FGF22: variants seen among roughly 807,000 people sequenced by gnomAD.
FGF22 encodes the protein FGF-22.
FGF22 carries 11 observed loss-of-function variants against 10.3 expected under a neutral mutation model. The observed-to-expected ratio is 1.07, with a 90% CI of 0.67 to 1.77. FGF22 has a LOEUF of 1.77. Among genes scored for constraint, FGF22 ranks in the 40% most tolerant of loss-of-function variants. The probability of loss-of-function intolerance (pLI) is 0.00; values close to 1 mark genes in which losing one functional copy is unlikely to be tolerated. For missense variants in FGF22, 317 were observed against 273.2 expected (o/e 1.16, Z -1.13); for synonymous variants, 136 against 122.1 (o/e 1.11, Z -0.75).
chr19:643,438 G>T, exon 3 of FGF22: 1 of 1,611,452 alleles, frequency 6.2e-7, no homozygotes, highest in African/African-American at 1.3e-5. Flanking sequence ...TGCAGGTTCC[G>T]GGAGCGCATC....
intron 1 of FGF22, among the ~76,000 whole-genome samples, chr19:642,752 T>C (rs1330743650): frequency 6.6e-6 from 1 of 151,724 alleles, no homozygotes; most frequent in African/African-American, 2.4e-5. Context: ...CGCTGGCTCA[T>C]TGACAGTTAT....
At chr19:643,164 C>A (rs1380903909) in intron 1 of FGF22, 71 bp from the exon 2 acceptor site, 8 of 471,200 alleles carry the variant, frequency 1.7e-5, no homozygotes, top group Non-Finnish European at 2.3e-5. Context: ...GGGCCCTGCA[C>A]GAAGCACAGC....
chr19:643,547 C>T (rs773357606), exon 3 of FGF22: 42 of 1,590,472 alleles, frequency 2.6e-5, no homozygotes, highest in African/African-American at 1.5e-4. Flanking sequence ...CCCGGCCAGG[C>T]GGCCGGACGC....
exon 2 of FGF22, chr19:643,283 C>G: frequency 6.2e-7 from 1 of 1,611,862 alleles, no homozygotes; most frequent in Non-Finnish European, 8.5e-7. Context: ...GTCATCAAAG[C>G]AGTGTCCTCA....
Position 641,122 on chromosome 19 carries a change from G to GC in FGF22, c.214+986dup, listed in dbSNP as rs147793676. 2.8e-3 allele frequency: 1,258 copies of GC among 454,992 alleles called. 9 individuals are homozygous for GC. Among genetic ancestry groups the GC allele is most frequent in the African/African-American group, 0.023 (1,169 of 50,202 alleles). The allele number at this position is 454,992 out of a possible 1,614,324, so 28.2% of individuals were successfully genotyped here. On this transcript the variant is annotated intron_variant, in intron 1 of 2. Transcript: ENST00000215530. The stretch of plus-strand genomic sequence containing the variant: ...GTGAGGGCTAGCTGAGGGCTCTCCT[G>GC]CCCTTCGTGCATTCGCTGGTCACTA...
chr19:640,177 G>C, intron 1 of FGF22, 38 bp downstream of exon 1: 1 of 1,232,950 alleles, frequency 8.1e-7, no homozygotes, highest in Non-Finnish European at 1.0e-6. Flanking sequence ...GTGGGGAGGC[G>C]GCGGGTGACG....
At chr19:640,090 G>A in exon 1 of FGF22, 1 of 1,409,198 alleles carries the variant, frequency 7.1e-7, no homozygotes, top group Non-Finnish European at 9.3e-7. Context: ...TCCTGCGCGT[G>A]GATCCCGGCG....
Position 643,355 on chromosome 19 carries a change from G to A in FGF22, c.318+17G>A, listed in dbSNP as rs1178685778. The A allele has an allele frequency of 6.2e-7, 1 of 1,604,192 alleles. No homozygotes were observed. Among genetic ancestry groups the A allele is most frequent in the Admixed American group, 1.7e-5 (1 of 59,562 alleles). On this transcript the variant is annotated intron_variant, in intron 2 of 2. Coordinates refer to ENST00000215530, the Ensembl canonical transcript of FGF22. ...TACGGGTCGGTGAGTGCCGGGCAGG[G>A]CTGGGCGGCGCGGGCAGGGTGGGGA... is the stretch of plus-strand genomic sequence containing the variant.
chr19:640,466 C>CG (rs11572855), intron 1 of FGF22: 5 of 236,834 alleles, frequency 2.1e-5, no homozygotes, highest in Admixed American at 1.7e-4. Flanking sequence ...GCGGAAGCGG[C>CG]GGGGGGCTGA....
exon 3 of FGF22, chr19:644,288 G>C (rs2144746939): frequency 6.5e-6 from 1 of 152,674 alleles, no homozygotes; most frequent in South Asian, 2.1e-4. Context: ...GGACCGGCCT[G>C]CTCCTGCCTT....
intron 1 of FGF22, 55 bp from the exon 2 acceptor site, chr19:643,180 G>A (rs1985963379): frequency 4.8e-6 from 6 of 1,254,660 alleles, no homozygotes; most frequent in Middle Eastern, 2.0e-4. Context: ...ACAGCGGACA[G>A]CAGCGGTGCT....
At chr19:643,208 GCC>G in intron 1 of FGF22, 25 bp from the exon 2 acceptor site, 9 of 1,533,184 alleles carry the variant, frequency 5.9e-6, no homozygotes, top group Non-Finnish European at 8.1e-6. Flanking sequence ...AGCCAGCAAG[GCC>G]CTCCCCGACC....
chr19:640,329 GGCTGCA>G, intron 1 of FGF22, 190 bp downstream of exon 1: 1 of 395,428 alleles, frequency 2.5e-6, no homozygotes, highest in Non-Finnish European at 4.4e-6. Context: ...TTAAAGCGAA[GGCTGCA>G]GCGGCGGACC....
chr19:643,673 T>G, exon 3 of FGF22: 11 of 1,298,106 alleles, frequency 8.5e-6, no homozygotes, highest in Non-Finnish European at 1.1e-5. Context: ...ACGCTTGTTC[T>G]TCCCCCTGCG....
chr19:642,630 G>C (rs1211729859), intron 1 of FGF22, among the ~76,000 whole-genome samples: 1 of 126,454 alleles, frequency 7.9e-6, no homozygotes, highest in African/African-American at 3.1e-5. Flanking sequence ...TCTGAGGGCC[G>C]GGCTGGGGGG....
rs561499516 is a variant in FGF22 at position 644,278 on chromosome 19, G to A, written c.*674G>A. On this transcript the variant is annotated 3_prime_UTR_variant, in exon 3 of 3. Transcript: ENST00000215530. ...GGTTCCGCACTGGAGCCCCCGGGAG[G>A]GACCGGCCTGCTCCTGCCTTGATAT... The A allele has an allele frequency of 8.5e-5, 13 of 152,856 alleles. No homozygotes were observed. In the South Asian group the frequency reaches 2.7e-3, roughly 31 times the overall value. 9.5% of individuals were successfully genotyped at this position (152,856 alleles called of 1,614,324 possible).
In FGF22 at chr19:643,219, C is replaced by A; in HGVS notation, c.215-16C>A. On this transcript the variant is annotated splice_polypyrimidine_tract_variant and intron_variant, in intron 1 of 2. Transcript: ENST00000215530. ...GGTGAGCCAGCAAGGCCCTCCCCGA[C>A]CCCCGCCTCCCCCAGGCATCCTGGA... is the stretch of plus-strand genomic sequence containing the variant. 2 of 1,486,110 alleles carry A rather than the reference C, an allele frequency of 1.3e-6. No homozygotes were observed. Among genetic ancestry groups the A allele is most frequent in the South Asian group, 1.2e-5 (1 of 84,980 alleles). 92.1% of individuals were successfully genotyped at this position (1,486,110 alleles called of 1,614,324 possible).
chr19:642,587 G>A (rs1985939388), intron 1 of FGF22, among the ~76,000 whole-genome samples: 1 of 124,788 alleles, frequency 8.0e-6, no homozygotes, highest in Admixed American at 8.2e-5. Context: ...AGCTGTGAGG[G>A]CCGGGCTGGG....
At chr19:643,845 C>T (rs867060039) in exon 3 of FGF22, 8 of 514,992 alleles carry the variant, frequency 1.6e-5, no homozygotes, top group South Asian at 1.4e-4. Flanking sequence ...GGCTGAAGGA[C>T]GCAGACGTCG....
Sources: allele counts gnomAD v4.1 joint callset (sites outside exome capture counted in the v4.1 genomes callset), GRCh38; gene constraint gnomAD v4.1.1; transcripts MANE v1.5; gene names NCBI Gene and HGNC (gene_info 2026-07-23, HGNC 2026-07-21).